MBOAT2: variants seen among roughly 807,000 people sequenced by gnomAD.
MBOAT2 encodes the protein membrane bound glycerophospholipid O-acyltransferase 2, also known as membrane-bound glycerophospholipid O-acyltransferase 2.
In MBOAT2, 28 loss-of-function variants were observed where a neutral mutation model predicts 63.4. The ratio of observed to expected loss-of-function variants is 0.44; its 90% CI spans 0.33 to 0.61. MBOAT2 has a LOEUF of 0.61. Among genes scored for constraint, MBOAT2 ranks in the 20% least tolerant of loss-of-function variants. The probability of loss-of-function intolerance (pLI) is 0.03; values close to 1 mark genes in which losing one functional copy is unlikely to be tolerated. For missense variants in MBOAT2, 470 were observed against 605.8 expected (o/e 0.78, Z 2.35); for synonymous variants, 211 against 215.6 (o/e 0.98, Z 0.19).
At chr2:8,871,374 C>T (rs1662316789) in intron 8 of MBOAT2, among the ~76,000 whole-genome samples, 1 of 152,066 alleles carries the variant, frequency 6.6e-6, no homozygotes, top group South Asian at 2.1e-4. Context: ...AATTCAAGGA[C>T]CTCGTTCTAT....
rs183724680 is a variant in MBOAT2 at position 8,922,785 on chromosome 2, T to A, written c.300-14069A>T. 1.6e-3 allele frequency among the ~76,000 whole-genome samples: 249 copies of A among 152,338 alleles called. 3 individuals carry two copies. Among genetic ancestry groups the A allele is most frequent in the African/African-American group, 5.7e-3 (238 of 41,580 alleles). On this transcript the variant is annotated intron_variant, in intron 3 of 12. Transcript: ENST00000305997. ...GCAGCCTCCATCAGCCAGGGGTGTG[T>A]GGAGATCTTATCAAGTCCCTTGATG...
intron 1 of MBOAT2, among the ~76,000 whole-genome samples, chr2:8,992,470 T>G (rs1212200229): frequency 2.0e-5 from 3 of 152,236 alleles, no homozygotes; most frequent in Non-Finnish European, 4.4e-5. Flanking sequence ...AAGTATCACT[T>G]AGATGTTTTT....
At chr2:8,907,167 A>G (rs1044300152) in intron 4 of MBOAT2, among the ~76,000 whole-genome samples, 4 of 152,248 alleles carry the variant, frequency 2.6e-5, no homozygotes, top group African/African-American at 9.6e-5. Context: ...TTATAATTCA[A>G]GTATTCAAAG....
intron 4 of MBOAT2, among the ~76,000 whole-genome samples, chr2:8,906,246 G>A (rs1437384448): frequency 1.3e-5 from 2 of 152,234 alleles, no homozygotes; most frequent in Non-Finnish European, 2.9e-5. Flanking sequence ...ACCACACCCA[G>A]CCTTTTAAAT....
At chr2:8,978,297 C>G (rs1670967792) in intron 1 of MBOAT2, among the ~76,000 whole-genome samples, 1 of 152,124 alleles carries the variant, frequency 6.6e-6, no homozygotes, top group South Asian at 2.1e-4. Flanking sequence ...AGATGTTTCA[C>G]CATTCACAAC....
intron 3 of MBOAT2, among the ~76,000 whole-genome samples, chr2:8,909,507 T>C (rs1401427612): frequency 6.6e-6 from 1 of 152,076 alleles, no homozygotes; most frequent in Non-Finnish European, 1.5e-5. Flanking sequence ...AATATTCAAA[T>C]GTTCTGAAAT....
At chr2:8,934,591 C>T (rs1425479726) in intron 3 of MBOAT2, among the ~76,000 whole-genome samples, 1 of 152,152 alleles carries the variant, frequency 6.6e-6, no homozygotes, top group Non-Finnish European at 1.5e-5. Flanking sequence ...TAGAATTACT[C>T]ACAGTTTCCC....
chr2:8,969,464 A>T (rs1433475598), intron 1 of MBOAT2, among the ~76,000 whole-genome samples: 1 of 152,168 alleles, frequency 6.6e-6, no homozygotes, highest in Non-Finnish European at 1.5e-5. Flanking sequence ...CTGCATTAAC[A>T]AATGAGCAAA....
At chr2:8,973,605 T>G (rs1184239668) in intron 1 of MBOAT2, among the ~76,000 whole-genome samples, 1 of 148,842 alleles carries the variant, frequency 6.7e-6, no homozygotes, top group Non-Finnish European at 1.5e-5. Flanking sequence ...CTAATTTCTT[T>G]AATCTATCGG....
At chr2:8,914,500 A>G (rs978284798) in intron 3 of MBOAT2, among the ~76,000 whole-genome samples, 1 of 152,172 alleles carries the variant, frequency 6.6e-6, no homozygotes, top group Admixed American at 6.5e-5. Flanking sequence ...AAAAAAAAAA[A>G]AACAATGAAA....
At chr2:8,970,541 A>G (rs1670372392) in intron 1 of MBOAT2, among the ~76,000 whole-genome samples, 1 of 152,230 alleles carries the variant, frequency 6.6e-6, no homozygotes, top group African/African-American at 2.4e-5. Context: ...TGAAGGAGAT[A>G]GAGACACAAA....
At chr2:8,927,992 A>G (rs1667053369) in intron 3 of MBOAT2, among the ~76,000 whole-genome samples, 1 of 152,154 alleles carries the variant, frequency 6.6e-6, no homozygotes, top group African/African-American at 2.4e-5. Flanking sequence ...TCATGGCAGA[A>G]GGTGAAGGGG....
At chr2:8,897,245 T>C (rs1408068207) in intron 4 of MBOAT2, among the ~76,000 whole-genome samples, 1 of 152,078 alleles carries the variant, frequency 6.6e-6, no homozygotes, top group Non-Finnish European at 1.5e-5. Context: ...CTCTCTTTCA[T>C]CCTCTCTCTT....
At chr2:8,970,117 G>C (rs1439394530) in intron 1 of MBOAT2, among the ~76,000 whole-genome samples, 1 of 152,116 alleles carries the variant, frequency 6.6e-6, no homozygotes, top group Non-Finnish European at 1.5e-5. Context: ...CACATAGTTG[G>C]AAGTAAAGCA....
chr2:8,874,151 C>T (rs1662538314), intron 7 of MBOAT2, among the ~76,000 whole-genome samples: 1 of 152,188 alleles, frequency 6.6e-6, no homozygotes, highest in Non-Finnish European at 1.5e-5. Flanking sequence ...CATTTTAACA[C>T]TTTATATAAT....
Position 8,943,255 on chromosome 2 carries a change from TA to T in MBOAT2, c.230del (p.Leu77TyrfsTer14). 1 of 1,571,230 alleles carries T rather than the reference TA, an allele frequency of 6.4e-7. No individual in the cohort carries two copies. The highest frequency in any genetic ancestry group is 8.7e-7 in the Non-Finnish European group (1 of 1,152,902). ...LALFCFGWYA[L>X]HFLVQSGISY... is the part of the protein sequence containing the mutation. ...AAATTCCACTTTGTACAAGAAAGTGTAAGGCATACCTATAAAAAGTAAGAGC... is the reference window on the plus strand; with the variant it reads ...AAATTCCACTTTGTACAAGAAAGTGTAGGCATACCTATAAAAAGTAAGAGC... On this transcript the variant is annotated frameshift_variant, in exon 3 of 13. Transcript: ENST00000305997. LOFTEE classifies it high-confidence loss of function.
chr2:8,861,198 C>T (rs1313549464), intron 11 of MBOAT2: 1 of 152,394 alleles, frequency 6.6e-6, no homozygotes, highest in African/African-American at 2.4e-5. Context: ...ATCCTTAACT[C>T]TTATTTAACC....
At chr2:8,912,329 A>AAGAAAGAG (rs1553362331) in intron 3 of MBOAT2, among the ~76,000 whole-genome samples, 2 of 100,186 alleles carry the variant, frequency 2.0e-5, no homozygotes, top group Non-Finnish European at 4.1e-5. Flanking sequence ...GAAAGAAAGA[A>AAGAAAGAG]AGAAAGAAAG....
At chr2:8,891,250 G>T (rs564359677) in intron 4 of MBOAT2, among the ~76,000 whole-genome samples, 1 of 152,344 alleles carries the variant, frequency 6.6e-6, no homozygotes. Context: ...TTATCATAGG[G>T]AACTATGCAG....
Sources: allele counts gnomAD v4.1 joint callset (sites outside exome capture counted in the v4.1 genomes callset), GRCh38; gene constraint gnomAD v4.1.1; transcripts MANE v1.5; gene names NCBI Gene and HGNC (gene_info 2026-07-23, HGNC 2026-07-21).